Variants in NEK1 observed in about 807,000 individuals in gnomAD.
The protein encoded by NEK1 is NIMA related kinase 1, also known as serine/threonine-protein kinase Nek1.
In NEK1, 137 loss-of-function variants were observed where a neutral mutation model predicts 182.1. That is an observed-to-expected ratio of 0.75 (90% CI 0.65 to 0.87). The LOEUF (loss-of-function observed/expected upper bound fraction) is 0.87, where lower values mean the gene tolerates loss of function less well. Ranked by LOEUF, NEK1 falls within the 40% of genes least tolerant of loss-of-function variation. The pLI is 0.00. For synonymous variants in NEK1, 513 were observed against 492.2 expected, an observed-to-expected ratio of 1.04 and a Z score of -0.56; for missense variants, 1,391 against 1,494.4, an observed-to-expected ratio of 0.93 and a Z score of 1.14.
chr4:169,574,512 C>T lies in NEK1; in HGVS notation c.1020+2416G>A, dbSNP rs186114059. 8.8e-3 allele frequency among the ~76,000 whole-genome samples: 1,311 copies of T among 149,570 alleles called. 28 individuals carry two copies. Among genetic ancestry groups the T allele is most frequent in the South Asian group, 0.069 (313 of 4,564 alleles). ...GTCCCAGCTACTCAGGAGGCTGAGG[C>T]GGGAGAATGGCGTGAACCCGCGAGG... is the stretch of plus-strand genomic sequence containing the variant. On this transcript the variant is annotated intron_variant, in intron 12 of 35. Coordinates refer to ENST00000507142, the MANE Select transcript of NEK1 (RefSeq NM_001199397.3).
intron 24 of NEK1, 98 bp downstream of exon 24, chr4:169,479,305 C>T: frequency 7.9e-7 from 1 of 1,262,548 alleles, no homozygotes; most frequent in Non-Finnish European, 1.1e-6. Context: ...TTAGAAAAAC[C>T]TGAAAGGGAC....
chr4:169,412,509 T>C (rs952661692), intron 31 of NEK1, among the ~76,000 whole-genome samples: 2 of 152,216 alleles, frequency 1.3e-5, no homozygotes, highest in African/African-American at 4.8e-5. Flanking sequence ...CTTTAAACCA[T>C]GCTTCACCAT....
chr4:169,458,961 A>G (rs914727016), intron 27 of NEK1, among the ~76,000 whole-genome samples: 1 of 152,164 alleles, frequency 6.6e-6, no homozygotes, highest in Non-Finnish European at 1.5e-5. Flanking sequence ...ATAATGCCCA[A>G]AGGAATGTTC....
At chr4:169,503,142 C>CA (rs1327890568) in intron 23 of NEK1, among the ~76,000 whole-genome samples, 1 of 151,810 alleles carries the variant, frequency 6.6e-6, no homozygotes, top group African/African-American at 2.4e-5. Context: ...CACTCACACA[C>CA]AAAAATACTG....
At chr4:169,394,887 T>G (rs1730433746) in intron 35 of NEK1, among the ~76,000 whole-genome samples, 1 of 152,192 alleles carries the variant, frequency 6.6e-6, no homozygotes, top group Admixed American at 6.5e-5. Context: ...AGTGATAATG[T>G]AAGATTAGAA....
chr4:169,396,610 C>A (rs953555365), intron 35 of NEK1, among the ~76,000 whole-genome samples: 2 of 152,100 alleles, frequency 1.3e-5, no homozygotes, highest in African/African-American at 4.8e-5. Context: ...TTAACTTTAT[C>A]AACGGCTGAA....
At chr4:169,402,999 A>C (rs1429488813) in intron 32 of NEK1, among the ~76,000 whole-genome samples, 5 of 152,214 alleles carry the variant, frequency 3.3e-5, no homozygotes, top group Non-Finnish European at 7.3e-5. Flanking sequence ...CACAAGGGCT[A>C]ATTAAGGCCT....
At chr4:169,456,635 T>C (rs1742938072) in intron 27 of NEK1, among the ~76,000 whole-genome samples, 2 of 152,198 alleles carry the variant, frequency 1.3e-5, no homozygotes, top group Admixed American at 1.3e-4. Flanking sequence ...TTTCTAGACA[T>C]ATATAACTGT....
At chr4:169,571,955 G>T (rs991177610) in intron 12 of NEK1, among the ~76,000 whole-genome samples, 1 of 150,288 alleles carries the variant, frequency 6.7e-6, no homozygotes, top group Non-Finnish European at 1.5e-5. Flanking sequence ...GGCCATGATG[G>T]TCTCAATCTC....
At chr4:169,601,907 T>C (rs980870333) in intron 4 of NEK1, 101 bp downstream of exon 4, 1 of 815,210 alleles carries the variant, frequency 1.2e-6, no homozygotes, top group Non-Finnish European at 2.1e-6. Context: ...CATATGCGTA[T>C]GTTTTTAAGC....
At chr4:169,445,403 C>T (rs76995505) in intron 27 of NEK1, among the ~76,000 whole-genome samples, 2,136 of 151,716 alleles carry the variant, frequency 0.014, 42 homozygotes, top group African/African-American at 0.049. Flanking sequence ...CCAACATGGG[C>T]GACAGAGTGA....
intron 23 of NEK1, among the ~76,000 whole-genome samples, chr4:169,500,039 G>C (rs1388607547): frequency 6.6e-6 from 1 of 152,226 alleles, no homozygotes; most frequent in Non-Finnish European, 1.5e-5. Context: ...GAGCTGCGGT[G>C]GGCTCCACCC....
chr4:169,602,025 T>C lies in NEK1; in HGVS notation c.197A>G (p.Tyr66Cys). 6.2e-7 allele frequency: 1 copy of C among 1,611,602 alleles called. No individual in the cohort carries two copies. Among genetic ancestry groups the C allele is most frequent in the Non-Finnish European group, 8.5e-7 (1 of 1,177,868 alleles). ...ANMKHPNIVQ[Y>C]RESFEENGSL... ...TATCTGACCTTCAAATGATTCTCTA[T>C]ACTGGACAATATTTGGATGCTTCAT... The change falls in exon 4 of 36, where the codon TAT (tyrosine) becomes TGT (cysteine). Residue 66 changes from tyrosine (Y) to cysteine (C), a missense_variant. Around this residue, in one of 5 missense-constraint regions of NEK1, gnomAD observed 116 missense variants for 114.5 expected, o/e 1.01. Coordinates refer to ENST00000507142, the MANE Select transcript of NEK1 (RefSeq NM_001199397.3).
intron 5 of NEK1, among the ~76,000 whole-genome samples, chr4:169,598,527 T>C (rs1769940601): frequency 6.6e-6 from 1 of 151,290 alleles, no homozygotes; most frequent in Non-Finnish European, 1.5e-5. Flanking sequence ...TCAGAGTAAA[T>C]ACACAGGAAG....
chr4:169,410,837 C>T (rs1733546205), intron 31 of NEK1, among the ~76,000 whole-genome samples: 1 of 152,150 alleles, frequency 6.6e-6, no homozygotes, highest in African/African-American at 2.4e-5. Flanking sequence ...TGTCCCACTC[C>T]CTATCCACAG....
In NEK1 at chr4:169,406,457, A is replaced by G. The variant is rs1732633662; in HGVS notation, c.3374+139T>C. Reference sequence around the variant, plus strand: ...ACAGAGTGAGACCCTGTCTCTTAAAATAGATAAAAATAATATACAGAAGAC... The same window carrying G: ...ACAGAGTGAGACCCTGTCTCTTAAAGTAGATAAAAATAATATACAGAAGAC... On this transcript the variant is annotated intron_variant, in intron 32 of 35. Coordinates refer to ENST00000507142, the MANE Select transcript of NEK1 (RefSeq NM_001199397.3). 1.1e-5 allele frequency: 6 copies of G among 537,952 alleles called. 1 individual carries two copies. In the South Asian group the frequency reaches 1.3e-4, roughly 12 times the overall value. 33.3% of individuals were successfully genotyped at this position (537,952 alleles called of 1,614,324 possible).
intron 18 of NEK1, among the ~76,000 whole-genome samples, chr4:169,553,004 A>C (rs1230050417): frequency 1.3e-5 from 2 of 152,172 alleles, no homozygotes; most frequent in African/African-American, 4.8e-5. Context: ...TCCCAAGCTG[A>C]TCTACAGATT....
chr4:169,587,486 C>A, intron 9 of NEK1, 73 bp downstream of exon 9: 2 of 858,968 alleles, frequency 2.3e-6, no homozygotes, highest in Non-Finnish European at 3.5e-6. Context: ...GATAATATAA[C>A]TTAAAATATA....
chr4:169,479,671 G>A (rs1263967670), intron 23 of NEK1, 137 bp from the exon 24 acceptor site: 4 of 698,530 alleles, frequency 5.7e-6, no homozygotes, highest in Admixed American at 3.4e-5. Context: ...TGTTGAGCAA[G>A]GCATTATGAT....
Sources: allele counts gnomAD v4.1 joint callset (sites outside exome capture counted in the v4.1 genomes callset), GRCh38; gene constraint gnomAD v4.1.1; regional missense constraint gnomAD v4.1.1; transcripts MANE v1.5; gene names NCBI Gene and HGNC (gene_info 2026-07-23, HGNC 2026-07-21).